MYH9: variants seen among roughly 807,000 people sequenced by gnomAD.
MYH9 encodes the protein myosin heavy chain 9.
MYH9 carries 29 observed loss-of-function variants against 241.9 expected under a neutral mutation model. The ratio of observed to expected loss-of-function variants is 0.12; its 90% CI spans 0.09 to 0.16. The LOEUF (loss-of-function observed/expected upper bound fraction) is 0.16, where lower values mean the gene tolerates loss of function less well. Ranked by LOEUF, MYH9 falls within the 10% of genes least tolerant of loss-of-function variation. MYH9 has a pLI of 1.00. For synonymous variants in MYH9, 1,047 were observed against 1,062.6 expected (o/e 0.99, Z 0.29); for missense variants, 1,803 against 2,595.5 (o/e 0.69, Z 6.63).
intron 11 of MYH9, 106 bp downstream of exon 11, chr22:36,318,101 G>T: frequency 1.0e-6 from 1 of 959,324 alleles, no homozygotes. Flanking sequence ...TCATGTGAAA[G>T]TGCCTGACAC....
intron 31 of MYH9, among the ~76,000 whole-genome samples, chr22:36,290,757 G>C (rs2016679147): frequency 6.6e-6 from 1 of 151,516 alleles, no homozygotes; most frequent in African/African-American, 2.4e-5. Flanking sequence ...TCTCTGCCCG[G>C]CCGCCCATCG....
At chr22:36,344,002 G>A (rs1011309665) in intron 2 of MYH9, among the ~76,000 whole-genome samples, 1 of 152,264 alleles carries the variant, frequency 6.6e-6, no homozygotes, top group Non-Finnish European at 1.5e-5. Context: ...GCTGACAGCA[G>A]AAGGGGACCA....
chr22:36,314,287 T>C lies in MYH9; in HGVS notation c.1412A>G (p.Tyr471Cys), dbSNP rs1469861257. The part of the protein sequence containing the change: ...LNSFEQLCIN[Y>C]TNEKLQQLFN... ...GAGCTGCTGCAGCTTCTCATTGGTG[T>C]AATTGATGCACAGCTGCTCAAACGA... The change falls in exon 13 of 41, where the codon TAC (tyrosine) becomes TGC (cysteine). Residue 471 changes from tyrosine (Y) to cysteine (C), a missense_variant. Tyr to Cys is a radical substitution (Grantham distance 194). Around this residue, in one of 11 missense-constraint regions of MYH9, gnomAD observed 8 missense variants for 46.8 expected, o/e 0.17. Transcript: ENST00000216181. 1 of 1,614,088 alleles carries C rather than the reference T, an allele frequency of 6.2e-7. No individual in the cohort carries two copies. The highest frequency in any genetic ancestry group is 8.5e-7 in the Non-Finnish European group (1 of 1,180,040).
chr22:36,383,624 T>C (rs1048440715), intron 1 of MYH9, among the ~76,000 whole-genome samples: 1 of 145,042 alleles, frequency 6.9e-6, no homozygotes, highest in Non-Finnish European at 1.5e-5. Flanking sequence ...CTCAACCTGA[T>C]AACCTAGGGA....
chr22:36,309,255 G>A (rs373938416), intron 15 of MYH9, 27 bp downstream of exon 15: 35 of 1,584,220 alleles, frequency 2.2e-5, no homozygotes, highest in Non-Finnish European at 5.2e-6. Flanking sequence ...CCAAGAGGAG[G>A]CAGGGGGCGA....
chr22:36,285,309 G>A lies in MYH9; in HGVS notation c.5295C>T (p.Asp1765=), dbSNP rs756456712. 6.2e-7 allele frequency: 1 copy of A among 1,611,648 alleles called. No individual in the cohort carries two copies. The highest frequency in any genetic ancestry group is 8.5e-7 in the Non-Finnish European group (1 of 1,180,028). The part of the protein sequence containing the change: ...ANLQIDQINT[D]LNLERSHAQK... ...GGGCGTGGCTGCGCTCCAGGTTCAG[G>A]TCGGTGTTGATCTGGTCGATCTGCA... The change falls in exon 38 of 41, where the codon GAC becomes GAT. Residue 1765 remains aspartate (D), a synonymous_variant. Transcript: ENST00000216181. The surrounding 1 kb of genome is among the most constrained non-coding windows in gnomAD (Gnocchi z 7.0).
intron 1 of MYH9, among the ~76,000 whole-genome samples, chr22:36,384,087 A>G (rs1045670114): frequency 6.6e-6 from 1 of 151,500 alleles, no homozygotes; most frequent in African/African-American, 2.4e-5. Flanking sequence ...CGTGGTCAAC[A>G]TGGCAAAATC....
chr22:36,281,574 G>A lies in MYH9; in HGVS notation c.*1094C>T, dbSNP rs1399834724. On this transcript the variant is annotated 3_prime_UTR_variant, in exon 41 of 41. Coordinates refer to ENST00000216181, the MANE Select transcript of MYH9 (RefSeq NM_002473.6). ...ATATACAAAACAGTTAGGAATACAA[G>A]TAAATTCGGCAACCAGTGTAGACCA... 1 of 229,066 alleles carries A rather than the reference G, an allele frequency of 4.4e-6. No individual in the cohort carries two copies. The highest frequency in any genetic ancestry group is 6.2e-5 in the East Asian group (1 of 16,002). 14.2% of individuals were successfully genotyped at this position (229,066 alleles called of 1,614,324 possible). A position where few individuals can be genotyped will look rare whatever the true frequency, so the allele number is the denominator to read the frequency against.
At position 36,322,741 on chromosome 22, in the gene MYH9, T is replaced by C. The variant is rs537078084; in HGVS notation, c.613-220A>G. On this transcript the variant is annotated intron_variant, in intron 5 of 40. Transcript: ENST00000216181. ...CCAGGCTTTGGAAACCTTGGTCAGT[T>C]TGAACTTACTTCCATGGCCCTGGAA... Among the ~76,000 whole-genome samples, 5 of 152,336 alleles carry C rather than the reference T, an allele frequency of 3.3e-5. No individual in the cohort carries two copies. In the South Asian group the frequency reaches 1.0e-3, roughly 32 times the overall value.
intron 31 of MYH9, among the ~76,000 whole-genome samples, chr22:36,290,325 C>T (rs950856120): frequency 9.9e-6 from 1 of 100,740 alleles, no homozygotes; most frequent in Non-Finnish European, 1.8e-5. Flanking sequence ...GGGCAACAGA[C>T]AGAGACAGTC....
chr22:36,363,493 G>A (rs1449060679), intron 1 of MYH9, among the ~76,000 whole-genome samples: 1 of 152,202 alleles, frequency 6.6e-6, no homozygotes, highest in Non-Finnish European at 1.5e-5. Context: ...GGAAGGAGAG[G>A]AGGAAACAAT....
intron 1 of MYH9, among the ~76,000 whole-genome samples, chr22:36,384,874 C>G (rs984335953): frequency 6.6e-6 from 1 of 151,728 alleles, no homozygotes; most frequent in Non-Finnish European, 1.5e-5. Flanking sequence ...CTCTTCCCAG[C>G]TCTAAGAGTG....
At position 36,304,049 on chromosome 22, in the gene MYH9, A is replaced by G; in HGVS notation, c.2336T>C (p.Ile779Thr). 6.2e-7 allele frequency: 1 copy of G among 1,613,756 alleles called. No individual in the cohort carries two copies. Residue 779 changes from isoleucine to threonine, a missense_variant, in exon 19 of 41, where the codon ATC becomes ACC. Transcript: ENST00000216181. Reference protein sequence around the residue: ...AHLEEERDLKITDVIIGFQAC... With the variant: ...AHLEEERDLKTTDVIIGFQAC... ...CTGGAACCCTATGATGACGTCGGTG[A>G]TCTTCAGGTCTCGCTCCTCCTCCAG...
chr22:36,327,545 T>C, intron 3 of MYH9, 57 bp from the exon 4 acceptor site: 1 of 1,607,540 alleles, frequency 6.2e-7, no homozygotes, highest in South Asian at 1.1e-5. Flanking sequence ...CTCCCCACCT[T>C]GCTCCCAAAG....
chr22:36,334,067 G>A (rs2017461723), intron 3 of MYH9, among the ~76,000 whole-genome samples: 1 of 151,928 alleles, frequency 6.6e-6, no homozygotes, highest in African/African-American at 2.4e-5. Context: ...GCAAAGCATG[G>A]TGGGCCTGTT....
At position 36,320,654 on chromosome 22, in the gene MYH9, G is replaced by A. The variant is rs994716663; in HGVS notation, c.868+144C>T. 8.2e-5 allele frequency: 62 copies of A among 757,012 alleles called. No homozygotes were observed. Among genetic ancestry groups the A allele is most frequent in the Non-Finnish European group, 1.2e-4 (55 of 445,734 alleles). 46.9% of individuals were successfully genotyped at this position (757,012 alleles called of 1,614,324 possible). A position where few individuals can be genotyped will look rare whatever the true frequency, so the allele number is the denominator to read the frequency against. ...CAGAAGACCAAGTCCTTAGGATGGC[G>A]CAGAGAACAGGAGTCACTCTCACTT... On this transcript the variant is annotated intron_variant, in intron 8 of 40. Transcript: ENST00000216181. This position sits in a 1 kb window ranked among gnomAD's most constrained non-coding sequence, Gnocchi z 4.8.
intron 1 of MYH9, among the ~76,000 whole-genome samples, chr22:36,366,780 G>A (rs1266035552): frequency 6.6e-6 from 1 of 152,138 alleles, no homozygotes. Flanking sequence ...TTAAATACAA[G>A]AAGGATCATC....
intron 1 of MYH9, among the ~76,000 whole-genome samples, chr22:36,384,249 C>T (rs13054657): frequency 0.046 from 6,951 of 150,750 alleles, 242 homozygotes; most frequent in South Asian, 0.077. Flanking sequence ...CTAGCCTGGG[C>T]GAGAGTGAGA....
At chr22:36,339,202 G>T (rs1460948377) in intron 3 of MYH9, among the ~76,000 whole-genome samples, 3 of 152,186 alleles carry the variant, frequency 2.0e-5, no homozygotes, top group Non-Finnish European at 4.4e-5. Flanking sequence ...ACATTACTCA[G>T]TCTTAATGTC....
Sources: gnomAD v4.1 joint callset for allele counts (sites outside exome capture counted in the v4.1 genomes callset) on GRCh38, gnomAD v4.1.1 for gene constraint, gnomAD v4.1.1 regional missense constraint, Gnocchi (gnomAD v3.1) non-coding constraint, MANE v1.5 for transcripts, NCBI Gene and HGNC (gene_info 2026-07-23, HGNC 2026-07-21) for gene names.